FOXP2: variants seen among roughly 807,000 people sequenced by gnomAD.
The protein encoded by FOXP2 is forkhead box protein P2.
Under a neutral mutation model 115.8 loss-of-function variants are expected in FOXP2, and 12 were observed. That is an observed-to-expected ratio of 0.10 (90% CI 0.07 to 0.17). The LOEUF (loss-of-function observed/expected upper bound fraction) is 0.17. FOXP2 is among the 10% of genes least tolerant of loss of function. The probability of loss-of-function intolerance (pLI) is 1.00; values close to 1 mark genes in which losing one functional copy is unlikely to be tolerated. For missense variants in FOXP2, 629 were observed against 843.5 expected (o/e 0.75, Z 3.15); for synonymous variants, 328 against 297.7 (o/e 1.10, Z -1.05).
chr7:114,640,220 T>C (rs1265504308), intron 6 of FOXP2, among the ~76,000 whole-genome samples: 1 of 152,190 alleles, frequency 6.6e-6, no homozygotes, highest in Non-Finnish European at 1.5e-5. Flanking sequence ...GTTTCAGAAT[T>C]CTAGGTTAAA....
chr7:114,419,290 T>C (rs888344884), intron 1 of FOXP2, among the ~76,000 whole-genome samples: 3 of 151,980 alleles, frequency 2.0e-5, no homozygotes, highest in Admixed American at 2.0e-4. Context: ...GGATTTCATT[T>C]TACATAGGAC....
intron 1 of FOXP2, among the ~76,000 whole-genome samples, chr7:114,148,024 A>T (rs553745305): frequency 1.3e-5 from 2 of 152,308 alleles, no homozygotes; most frequent in South Asian, 4.1e-4. Context: ...TCTACAAGCC[A>T]TTCAACTGCA....
intron 1 of FOXP2, among the ~76,000 whole-genome samples, chr7:114,190,281 G>A (rs184882367): frequency 6.6e-6 from 1 of 152,296 alleles, no homozygotes; most frequent in Admixed American, 6.5e-5. Context: ...AGAGGTAGTA[G>A]TCTGAGTAAG....
chr7:114,399,422 C>T (rs913358990), intron 2 of FOXP2, among the ~76,000 whole-genome samples: 1 of 152,010 alleles, frequency 6.6e-6, no homozygotes, highest in African/African-American at 2.4e-5. Context: ...CTTATTTTTT[C>T]TTTTCAGTTT....
intron 2 of FOXP2, among the ~76,000 whole-genome samples, chr7:114,451,247 T>C (rs190171482): frequency 7.2e-4 from 110 of 152,148 alleles, no homozygotes; most frequent in Non-Finnish European, 1.0e-3. Flanking sequence ...TCTTGACACA[T>C]GTATATTTTC....
At chr7:114,684,986 G>T (rs924820338) in intron 16 of FOXP2, among the ~76,000 whole-genome samples, 4 of 151,290 alleles carry the variant, frequency 2.6e-5, no homozygotes, top group African/African-American at 9.7e-5. Flanking sequence ...GAGTTCAGTT[G>T]GTTGATTTTT....
intron 3 of FOXP2, among the ~76,000 whole-genome samples, chr7:114,566,419 T>C (rs1484789086): frequency 2.0e-5 from 3 of 152,032 alleles, no homozygotes; most frequent in Non-Finnish European, 4.4e-5. Flanking sequence ...GGTGCCATCC[T>C]TGTGATGGTG....
intron 2 of FOXP2, among the ~76,000 whole-genome samples, chr7:114,522,780 T>G (rs1409438077): frequency 2.0e-5 from 3 of 152,100 alleles, no homozygotes; most frequent in Non-Finnish European, 4.4e-5. Flanking sequence ...AACTCTAATT[T>G]ACCACATAAT....
intron 1 of FOXP2, among the ~76,000 whole-genome samples, chr7:114,230,188 A>G (rs1245751266): frequency 3.9e-5 from 6 of 151,958 alleles, no homozygotes; most frequent in Admixed American, 2.0e-4. Context: ...AACAAATTAA[A>G]AAATCAAAAC....
At chr7:114,420,169 T>C (rs1360095759) in intron 1 of FOXP2, among the ~76,000 whole-genome samples, 2 of 151,670 alleles carry the variant, frequency 1.3e-5, no homozygotes, top group African/African-American at 4.8e-5. Context: ...GCAGGAAAGG[T>C]GAAAATGCCA....
intron 1 of FOXP2, among the ~76,000 whole-genome samples, chr7:114,270,115 C>T (rs942018108): frequency 6.6e-6 from 1 of 152,230 alleles, no homozygotes. Flanking sequence ...TAATAATATA[C>T]GTTTAAGGTT....
At chr7:114,176,298 T>TTCTCTCTCTCTCTCTCTC (rs1554426487) in intron 1 of FOXP2, among the ~76,000 whole-genome samples, 44 of 76,572 alleles carry the variant, frequency 5.7e-4, no homozygotes, top group African/African-American at 2.2e-3. Context: ...CTTTCTTTCT[T>TTCTCTCTCTCTCTCTCTC]TCTCTCTCTC....
intron 1 of FOXP2, among the ~76,000 whole-genome samples, chr7:114,145,033 C>A (rs1319391675): frequency 6.6e-6 from 1 of 152,142 alleles, no homozygotes; most frequent in Non-Finnish European, 1.5e-5. Flanking sequence ...ACTGGGATGG[C>A]AGCATTAGAT....
chr7:114,499,514 G>A (rs550361323), intron 2 of FOXP2: 2 of 152,244 alleles, frequency 1.3e-5, no homozygotes, highest in Admixed American at 6.5e-5. Context: ...TCACTGTTAG[G>A]AATAGTTCTG....
chr7:114,094,692 C>T (rs540779780), intron 1 of FOXP2, among the ~76,000 whole-genome samples: 77 of 152,192 alleles, frequency 5.1e-4, no homozygotes, highest in African/African-American at 1.7e-3. Context: ...GACAGAGTCT[C>T]GCTCTATTGA....
intron 1 of FOXP2, among the ~76,000 whole-genome samples, chr7:114,112,080 C>T (rs935909312): frequency 2.0e-5 from 3 of 151,936 alleles, no homozygotes; most frequent in East Asian, 1.9e-4. Context: ...ACTTTATGGG[C>T]GTAATGCAAT....
intron 1 of FOXP2, among the ~76,000 whole-genome samples, chr7:114,130,146 T>A (rs1791831229): frequency 6.6e-6 from 1 of 151,962 alleles, no homozygotes; most frequent in South Asian, 2.1e-4. Flanking sequence ...AAACCCCATC[T>A]CTACCAAAAA....
intron 3 of FOXP2, among the ~76,000 whole-genome samples, chr7:114,551,032 A>G (rs1800180559): frequency 6.6e-6 from 1 of 152,196 alleles, no homozygotes; most frequent in African/African-American, 2.4e-5. Flanking sequence ...ATATTTATGT[A>G]CTAGAAAGAG....
intron 1 of FOXP2, among the ~76,000 whole-genome samples, chr7:114,170,748 G>A (rs1423892361): frequency 6.6e-6 from 1 of 152,178 alleles, no homozygotes; most frequent in Non-Finnish European, 1.5e-5. Flanking sequence ...AGAGAGGTGA[G>A]GAAGATGCAA....
Sources: gnomAD v4.1 joint callset for allele counts (sites outside exome capture counted in the v4.1 genomes callset) on GRCh38, gnomAD v4.1.1 for gene constraint, MANE v1.5 for transcripts, NCBI Gene and HGNC (gene_info 2026-07-23, HGNC 2026-07-21) for gene names.